PHIP: variants seen among roughly 807,000 people sequenced by gnomAD.
PHIP encodes the protein PHIP subunit of CUL4-Ring ligase complex, also known as PH-interacting protein.
In PHIP, 54 loss-of-function variants were observed where a neutral mutation model predicts 236.8. The observed-to-expected ratio is 0.23, with a 90% CI of 0.18 to 0.29. The LOEUF (loss-of-function observed/expected upper bound fraction) is 0.29. Among genes scored for constraint, PHIP ranks in the 10% least tolerant of loss-of-function variants. The probability of loss-of-function intolerance (pLI) is 1.00; values close to 1 mark genes in which losing one functional copy is unlikely to be tolerated. For missense variants in PHIP, 1,370 were observed against 2,190.8 expected, an observed-to-expected ratio of 0.63 and a Z score of 7.48; for synonymous variants, 756 against 718.9, an observed-to-expected ratio of 1.05 and a Z score of -0.83.
chr6:79,056,126 G>A (rs992545739), intron 6 of PHIP, among the ~76,000 whole-genome samples: 1 of 152,190 alleles, frequency 6.6e-6, no homozygotes, highest in Non-Finnish European at 1.5e-5. Flanking sequence ...GGACCTAACA[G>A]TATAGTAGAG....
At chr6:79,014,295 C>T (rs1211744353) in intron 15 of PHIP, among the ~76,000 whole-genome samples, 2 of 151,674 alleles carry the variant, frequency 1.3e-5, no homozygotes, top group African/African-American at 4.8e-5. Context: ...ATTCTGACCA[C>T]ATGTACTAAT....
chr6:79,046,856 A>G (rs1466818470), intron 6 of PHIP, among the ~76,000 whole-genome samples: 1 of 151,976 alleles, frequency 6.6e-6, no homozygotes, highest in Admixed American at 6.6e-5. Flanking sequence ...AGCCTGGGGA[A>G]CAAAGCAAGA....
Position 79,077,724 on chromosome 6 carries a change from C to A in PHIP, c.105G>T (p.Leu35=), listed in dbSNP as rs1774253440. 1 of 1,013,232 alleles carries A rather than the reference C, an allele frequency of 9.9e-7. No homozygotes were observed. The allele number at this position is 1,013,232 out of a possible 1,614,324, so 62.8% of individuals were successfully genotyped here. A position where few individuals can be genotyped will look rare whatever the true frequency, so the allele number is the denominator to read the frequency against. Residue 35 remains leucine, a synonymous_variant, in exon 3 of 40, where the codon CTG becomes CTT. Coordinates refer to ENST00000275034, the MANE Select transcript of PHIP (RefSeq NM_017934.7). ...DGPCQQAAQV[L]IREVAEKELL... ...CCTCCTTCTCGGCCACCTCGCGGAT[C>A]AGCACCTGCAACAACAAAGCGGGGA...
intron 24 of PHIP, among the ~76,000 whole-genome samples, chr6:78,972,819 G>C (rs923010801): frequency 6.6e-5 from 10 of 152,238 alleles, no homozygotes; most frequent in African/African-American, 2.4e-4. Flanking sequence ...GAGAAGGGAA[G>C]TTTAGAGAAA....
chr6:78,992,249 C>T (rs1252327791), intron 19 of PHIP, among the ~76,000 whole-genome samples: 2 of 152,058 alleles, frequency 1.3e-5, no homozygotes, highest in Non-Finnish European at 2.9e-5. Context: ...AGGTGTGAGC[C>T]ACCGCGCCGG....
rs904591544 is a variant in PHIP at position 78,938,905 on chromosome 6, A to G, written c.*1788T>C. ...ATGACAGCTAATATTTATCCTTATC[A>G]GAAATAATTATGTAATGTATTTTGC... On this transcript the variant is annotated 3_prime_UTR_variant, in exon 40 of 40. Transcript: ENST00000275034. 2 of 151,688 alleles carry G rather than the reference A, an allele frequency of 1.3e-5. No individual in the cohort carries two copies. Among genetic ancestry groups the G allele is most frequent in the Admixed American group, 6.6e-5 (1 of 15,234 alleles). 9.4% of individuals were successfully genotyped at this position (151,688 alleles called of 1,614,324 possible).
Position 78,950,084 on chromosome 6 carries a change from C to T in PHIP, c.4054-2309G>A, listed in dbSNP as rs544659509. Among the ~76,000 whole-genome samples, 13 of 152,246 alleles carry T rather than the reference C, an allele frequency of 8.5e-5. No individual in the cohort carries two copies. In the South Asian group the frequency reaches 2.1e-3, roughly 24 times the overall value. On this transcript the variant is annotated intron_variant, in intron 35 of 39. Coordinates refer to ENST00000275034, the MANE Select transcript of PHIP (RefSeq NM_017934.7). ...TTACCATAACCAAAATACACATTCA[C>T]AGAACAAATGGGTGTGAAATTTTGT...
At position 78,987,834 on chromosome 6, in the gene PHIP, T is replaced by TG. The variant is rs539243521; in HGVS notation, c.2460+374dup. On this transcript the variant is annotated intron_variant, in intron 21 of 39. Transcript: ENST00000275034. ...AATTGTCAAATACTTATTGATTTGTTGTTATACTTACACTACACTACAGCT... is the reference window on the plus strand; with the variant it reads ...AATTGTCAAATACTTATTGATTTGTTGGTTATACTTACACTACACTACAGCT... Among the ~76,000 whole-genome samples, 83 of 152,312 alleles carry TG rather than the reference T, an allele frequency of 5.4e-4. 1 individual carries two copies. The highest frequency in any genetic ancestry group is 7.1e-4 in the Non-Finnish European group (48 of 68,002).
chr6:78,969,689 T>C, intron 27 of PHIP, 146 bp downstream of exon 27: 2 of 445,954 alleles, frequency 4.5e-6, no homozygotes, highest in Non-Finnish European at 7.8e-6. Context: ...ACCTCTGACA[T>C]AGTATCTTAC....
chr6:78,997,071 T>C (rs1442223040), intron 19 of PHIP, among the ~76,000 whole-genome samples: 1 of 151,648 alleles, frequency 6.6e-6, no homozygotes, highest in Non-Finnish European at 1.5e-5. Flanking sequence ...CATTAAAAAA[T>C]TAAATAATTA....
Position 78,934,721 on chromosome 6 carries a change from A to G in PHIP, c.*5972T>C, listed in dbSNP as rs944153960. ...CTATTTGAACAGAATTAGACCTCAC[A>G]GATAATTTAATCAACCTTTAAAACT... On this transcript the variant is annotated 3_prime_UTR_variant, in exon 40 of 40. Coordinates refer to ENST00000275034, the MANE Select transcript of PHIP (RefSeq NM_017934.7). Among the ~76,000 whole-genome samples the G allele has an allele frequency of 6.6e-6, 1 of 152,214 alleles. No homozygotes were observed. Among genetic ancestry groups the G allele is most frequent in the Non-Finnish European group, 1.5e-5 (1 of 68,038 alleles).
At position 78,983,034 on chromosome 6, in the gene PHIP, G is replaced by GT; in HGVS notation, c.2620dup (p.Thr874AsnfsTer10). 1 of 1,611,154 alleles carries GT rather than the reference G, an allele frequency of 6.2e-7. No homozygotes were observed. The highest frequency in any genetic ancestry group is 8.5e-7 in the Non-Finnish European group (1 of 1,178,810). Reference sequence around the variant, plus strand: ...ATCTGAACTGCTTTCTGCTTTCTTGGTTTTATTCTTAGGAACTTTCTTTGG... The same window carrying GT: ...ATCTGAACTGCTTTCTGCTTTCTTGGTTTTTATTCTTAGGAACTTTCTTTGG... On this transcript the variant is annotated frameshift_variant, in exon 23 of 40. Coordinates refer to ENST00000275034, the MANE Select transcript of PHIP (RefSeq NM_017934.7). LOFTEE classifies it high-confidence loss of function.
chr6:78,946,892 A>C lies in PHIP; in HGVS notation c.4207-18T>G. 2 of 1,527,904 alleles carry C rather than the reference A, an allele frequency of 1.3e-6. No homozygotes were observed. The highest frequency in any genetic ancestry group is 1.8e-6 in the Non-Finnish European group (2 of 1,142,154). The allele number at this position is 1,527,904 out of a possible 1,614,324, so 94.6% of individuals were successfully genotyped here. ...CTGTAAATCTGTGAGGGAAAAAAAA[A>C]AGTGTTCAACCATTCCTTGGAGGAA... On this transcript the variant is annotated intron_variant, in intron 36 of 39. Coordinates refer to ENST00000275034, the MANE Select transcript of PHIP (RefSeq NM_017934.7).
chr6:79,078,130 G>C lies in PHIP; in HGVS notation c.-62C>G. ...CCGCCGCCGAGGGGAAGCGGGGACG[G>C]TGCCGCCGCCTGCCCTATAGCTGTC... On this transcript the variant is annotated 5_prime_UTR_variant, in exon 1 of 40. Transcript: ENST00000275034. 1 of 1,553,078 alleles carries C rather than the reference G, an allele frequency of 6.4e-7. No homozygotes were observed. The highest frequency in any genetic ancestry group is 8.8e-7 in the Non-Finnish European group (1 of 1,132,640).
intron 32 of PHIP, 69 bp downstream of exon 32, chr6:78,958,406 A>G: frequency 9.9e-7 from 1 of 1,008,190 alleles, no homozygotes; most frequent in Non-Finnish European, 1.5e-6. Context: ...TATGTTTTCT[A>G]TTTTAAGAGG....
chr6:78,961,427 G>A (rs1766769345), intron 31 of PHIP, among the ~76,000 whole-genome samples: 1 of 151,822 alleles, frequency 6.6e-6, no homozygotes, highest in South Asian at 2.1e-4. Context: ...TCAGCCTCTA[G>A]GAAAAACTGT....
intron 27 of PHIP, among the ~76,000 whole-genome samples, chr6:78,966,772 C>CT (rs1767167197): frequency 6.6e-6 from 1 of 152,180 alleles, no homozygotes; most frequent in Non-Finnish European, 1.5e-5. Flanking sequence ...CATAAGAAAA[C>CT]TGTAAGTCAC....
At chr6:79,072,053 A>C (rs1773908724) in intron 4 of PHIP, among the ~76,000 whole-genome samples, 1 of 152,200 alleles carries the variant, frequency 6.6e-6, no homozygotes, top group Non-Finnish European at 1.5e-5. Context: ...GTCTTTCTTG[A>C]ATTCTGTTTA....
intron 4 of PHIP, among the ~76,000 whole-genome samples, chr6:79,072,341 G>C (rs758671986): frequency 2.0e-5 from 3 of 152,292 alleles, no homozygotes; most frequent in African/African-American, 2.4e-5. Flanking sequence ...AGTCACAGTA[G>C]AAATCAGTAG....
Sources: allele counts gnomAD v4.1 joint callset (sites outside exome capture counted in the v4.1 genomes callset), GRCh38; gene constraint gnomAD v4.1.1; transcripts MANE v1.5; gene names NCBI Gene and HGNC (gene_info 2026-07-23, HGNC 2026-07-21).